PTPRD: variants seen among roughly 807,000 people sequenced by gnomAD.
PTPRD encodes the protein receptor-type tyrosine-protein phosphatase delta.
A neutral mutation model predicts 214.5 loss-of-function variants in PTPRD; 34 were observed. The observed-to-expected ratio is 0.16, with a 90% CI of 0.12 to 0.21. The LOEUF (loss-of-function observed/expected upper bound fraction) is 0.21. PTPRD is among the 10% of genes least tolerant of loss of function. The probability of loss-of-function intolerance (pLI) is 1.00; values close to 1 mark genes in which losing one functional copy is unlikely to be tolerated. For missense variants in PTPRD, 2,545 were observed against 2,398.7 expected (o/e 1.06, Z -1.27); for synonymous variants, 1,128 against 845.7 (o/e 1.33, Z -5.79).
At chr9:9,872,354 C>A (rs888259288) in intron 5 of PTPRD, among the ~76,000 whole-genome samples, 6 of 152,102 alleles carry the variant, frequency 3.9e-5, no homozygotes, top group African/African-American at 1.2e-4. Flanking sequence ...AATTCCAATA[C>A]TTTGGGAGGC....
chr9:9,167,369 A>C (rs929228350), intron 10 of PTPRD, among the ~76,000 whole-genome samples: 3 of 149,268 alleles, frequency 2.0e-5, no homozygotes, highest in Non-Finnish European at 4.4e-5. Flanking sequence ...TGATTTTTCG[A>C]TTTGCTAATG....
At chr9:9,893,180 G>C (rs1601211505) in intron 5 of PTPRD, among the ~76,000 whole-genome samples, 1 of 152,090 alleles carries the variant, frequency 6.6e-6, no homozygotes, top group East Asian at 1.9e-4. Flanking sequence ...ACACACTAAA[G>C]TACACAGACT....
intron 3 of PTPRD, among the ~76,000 whole-genome samples, chr9:10,049,407 A>AAAGAAAGAAAGAAAGAAAG (rs1555515115): frequency 8.6e-6 from 1 of 115,696 alleles, no homozygotes. Context: ...TTAAAAAAAA[A>AAAGAAAGAAAGAAAGAAAG]AAAGAAAGAA....
chr9:10,582,272 CG>C (rs1207299270), intron 2 of PTPRD, among the ~76,000 whole-genome samples: 4 of 152,092 alleles, frequency 2.6e-5, no homozygotes, highest in African/African-American at 9.7e-5. Flanking sequence ...ATTTCTATAC[CG>C]GACCTTGTTT....
At chr9:8,562,709 T>A (rs1158812982) in intron 14 of PTPRD, among the ~76,000 whole-genome samples, 1 of 152,150 alleles carries the variant, frequency 6.6e-6, no homozygotes, top group East Asian at 1.9e-4. Flanking sequence ...AGTGCCAGGA[T>A]TACAGGCCTG....
intron 11 of PTPRD, among the ~76,000 whole-genome samples, chr9:8,903,080 C>G (rs569578928): frequency 3.7e-4 from 56 of 151,902 alleles, no homozygotes; most frequent in Admixed American, 1.1e-3. Context: ...GTTTAGGAAT[C>G]CAAATCTGTT....
At chr9:9,091,028 T>A in intron 10 of PTPRD, 3 of 1,560,596 alleles carry the variant, frequency 1.9e-6, no homozygotes, top group Non-Finnish European at 2.6e-6. Flanking sequence ...ATTCGAAACA[T>A]AGTGGAGGCC....
At chr9:10,426,395 A>C (rs141551801) in intron 2 of PTPRD, among the ~76,000 whole-genome samples, 29 of 152,120 alleles carry the variant, frequency 1.9e-4, no homozygotes, top group African/African-American at 6.7e-4. Flanking sequence ...AAAAAGCCCA[A>C]AAATTTTCGA....
At chr9:8,475,458 C>T (rs555603744) in intron 30 of PTPRD, among the ~76,000 whole-genome samples, 1 of 152,228 alleles carries the variant, frequency 6.6e-6, no homozygotes, top group African/African-American at 2.4e-5. Context: ...TCTATCCAGA[C>T]CCTATTTTCA....
At chr9:8,636,432 A>G (rs1194790773) in intron 13 of PTPRD, among the ~76,000 whole-genome samples, 1 of 152,188 alleles carries the variant, frequency 6.6e-6, no homozygotes, top group Non-Finnish European at 1.5e-5. Flanking sequence ...GCAGAGCTCC[A>G]TCTTGCAACC....
chr9:8,354,274 CA>C (rs2076421769), intron 39 of PTPRD, among the ~76,000 whole-genome samples: 2 of 151,896 alleles, frequency 1.3e-5, no homozygotes, highest in African/African-American at 2.4e-5. Context: ...TTCACTTCCA[CA>C]AAGTCAAACA....
intron 11 of PTPRD, among the ~76,000 whole-genome samples, chr9:8,951,907 T>C (rs79047066): frequency 0.13 from 20,188 of 152,080 alleles, 1,827 homozygotes; most frequent in Non-Finnish European, 0.2. Flanking sequence ...ACACTTGAAA[T>C]GAATTCCAAA....
chr9:9,013,138 AT>A lies in PTPRD; in HGVS notation c.-104+5558del, dbSNP rs547499669. On this transcript the variant is annotated intron_variant, in intron 11 of 45. Transcript: ENST00000381196. The stretch of plus-strand genomic sequence containing the variant: ...TATTTGAAAATTCTTGCTAGCTCTT[AT>A]TTTTTTTTCTGTTTTTTGTTTTTTC... Among the ~76,000 whole-genome samples, 40 of 150,884 alleles carry A rather than the reference AT, an allele frequency of 2.7e-4. 1 individual carries two copies. The highest frequency in any genetic ancestry group is 2.5e-3 in the South Asian group (12 of 4,764).
chr9:9,820,445 T>C (rs76001700), intron 5 of PTPRD, among the ~76,000 whole-genome samples: 7,308 of 152,220 alleles, frequency 0.048, 563 homozygotes, highest in African/African-American at 0.16. Flanking sequence ...GTCTGTTTAC[T>C]CTGTTGCTAG....
chr9:10,004,371 T>C (rs2096416106), intron 4 of PTPRD, among the ~76,000 whole-genome samples: 1 of 151,902 alleles, frequency 6.6e-6, no homozygotes, highest in South Asian at 2.1e-4. Flanking sequence ...TATTGAGGAA[T>C]TAAGCAAATT....
chr9:9,495,612 G>A (rs2096143124), intron 8 of PTPRD, among the ~76,000 whole-genome samples: 1 of 152,078 alleles, frequency 6.6e-6, no homozygotes, highest in South Asian at 2.1e-4. Context: ...ACCTGACTTA[G>A]GGGAAGATGA....
intron 5 of PTPRD, among the ~76,000 whole-genome samples, chr9:9,921,491 AT>A (rs1236550083): frequency 2.0e-5 from 3 of 151,906 alleles, no homozygotes; most frequent in Non-Finnish European, 4.4e-5. Flanking sequence ...TCTTAGAATG[AT>A]TTTTTTAATA....
chr9:9,043,449 C>A (rs2154385157), intron 10 of PTPRD, among the ~76,000 whole-genome samples: 1 of 152,240 alleles, frequency 6.6e-6, no homozygotes, highest in East Asian at 1.9e-4. Context: ...ACCTCGAGGT[C>A]ACCATAACCT....
chr9:10,501,612 C>G (rs1272043535), intron 2 of PTPRD, among the ~76,000 whole-genome samples: 1 of 151,838 alleles, frequency 6.6e-6, no homozygotes, highest in African/African-American at 2.4e-5. Flanking sequence ...TTACATAAAA[C>G]CATGAGAGAA....
Sources: allele counts gnomAD v4.1 joint callset (sites outside exome capture counted in the v4.1 genomes callset), GRCh38; gene constraint gnomAD v4.1.1; transcripts MANE v1.5; gene names NCBI Gene and HGNC (gene_info 2026-07-23, HGNC 2026-07-21).